The following UBL3 variants were observed in gnomAD, a reference collection of about 807,000 sequenced individuals.
UBL3 encodes the protein ubiquitin-like protein 3.
In UBL3, 6 loss-of-function variants were observed where a neutral mutation model predicts 18.4. That is an observed-to-expected ratio of 0.33 (90% CI 0.18 to 0.64). The LOEUF (loss-of-function observed/expected upper bound fraction) is 0.64, where lower values mean the gene tolerates loss of function less well. Ranked by LOEUF, UBL3 falls within the 30% of genes least tolerant of loss-of-function variation. The pLI is 0.76. For missense variants in UBL3, 109 were observed against 142.9 expected, an observed-to-expected ratio of 0.76 and a Z score of 1.21; for synonymous variants, 49 against 46.6, an observed-to-expected ratio of 1.05 and a Z score of -0.21.
chr13:29,827,773 A>G (rs1232762177), intron 1 of UBL3, among the ~76,000 whole-genome samples: 1 of 152,156 alleles, frequency 6.6e-6, no homozygotes, highest in African/African-American at 2.4e-5. Flanking sequence ...TCTTCCTAGC[A>G]TTGATGGTCT....
chr13:29,840,078 G>C (rs1333607809), intron 1 of UBL3, among the ~76,000 whole-genome samples: 1 of 59,634 alleles, frequency 1.7e-5, no homozygotes, highest in African/African-American at 6.8e-5. Context: ...TCAGTAAAAA[G>C]TTAAAAACAA....
intron 1 of UBL3, among the ~76,000 whole-genome samples, chr13:29,809,986 T>A (rs1877999866): frequency 1.3e-5 from 2 of 151,836 alleles, no homozygotes; most frequent in Non-Finnish European, 1.5e-5. Flanking sequence ...CTTTGTGAAA[T>A]TTTTTTTTCC....
intron 1 of UBL3, among the ~76,000 whole-genome samples, chr13:29,835,709 C>T (rs371090992): frequency 2.0e-4 from 27 of 137,372 alleles, no homozygotes; most frequent in Admixed American, 4.8e-4. Context: ...GAGTTGAGAT[C>T]GCGCCACTGC....
At chr13:29,772,023 TAGCAAA>T in intron 3 of UBL3, 83 bp downstream of exon 3, 1 of 1,122,308 alleles carries the variant, frequency 8.9e-7, no homozygotes, top group South Asian at 1.5e-5. Context: ...TCATTTTTTT[TAGCAAA>T]TTCAAAGACA....
At chr13:29,779,701 AAC>A (rs1434666646) in intron 1 of UBL3, among the ~76,000 whole-genome samples, 1 of 152,214 alleles carries the variant, frequency 6.6e-6, no homozygotes, top group African/African-American at 2.4e-5. Context: ...ATCTGACATG[AAC>A]AGATAGCCAC....
At chr13:29,836,373 A>C (rs1199213555) in intron 1 of UBL3, among the ~76,000 whole-genome samples, 1 of 151,982 alleles carries the variant, frequency 6.6e-6, no homozygotes, top group Non-Finnish European at 1.5e-5. Flanking sequence ...TAAATAAATA[A>C]ATAAATAAAA....
intron 1 of UBL3, among the ~76,000 whole-genome samples, chr13:29,805,426 C>A (rs1877875570): frequency 1.3e-5 from 2 of 152,318 alleles, no homozygotes; most frequent in Admixed American, 1.3e-4. Context: ...TTGGCCCGGG[C>A]CCCCTCTTCC....
At chr13:29,813,353 A>G (rs1477226424) in intron 1 of UBL3, among the ~76,000 whole-genome samples, 2 of 152,014 alleles carry the variant, frequency 1.3e-5, no homozygotes, top group Admixed American at 1.3e-4. Flanking sequence ...TTTCTTCTTG[A>G]AAGTCATAAA....
chr13:29,830,205 C>G (rs1205769322), intron 1 of UBL3, among the ~76,000 whole-genome samples: 1 of 152,158 alleles, frequency 6.6e-6, no homozygotes, highest in Non-Finnish European at 1.5e-5. Flanking sequence ...CTTCAGCTGT[C>G]CATCTAGTGG....
At chr13:29,799,268 T>A (rs1384217473) in intron 1 of UBL3, among the ~76,000 whole-genome samples, 1 of 152,232 alleles carries the variant, frequency 6.6e-6, no homozygotes, top group Non-Finnish European at 1.5e-5. Flanking sequence ...CATTGCCAAA[T>A]GTCTCCTAGG....
At chr13:29,842,248 C>T (rs1879124676) in intron 1 of UBL3, among the ~76,000 whole-genome samples, 1 of 151,664 alleles carries the variant, frequency 6.6e-6, no homozygotes, top group East Asian at 1.9e-4. Context: ...ACCTCCACCT[C>T]CTGGGTTCAA....
At chr13:29,779,184 C>A in intron 1 of UBL3, 1 of 494,370 alleles carries the variant, frequency 2.0e-6, no homozygotes, top group Admixed American at 2.1e-5. Context: ...CAGTAATGAG[C>A]AATTCTTCAA....
At chr13:29,849,099 G>T (rs187321100) in intron 1 of UBL3, among the ~76,000 whole-genome samples, 2 of 152,290 alleles carry the variant, frequency 1.3e-5, no homozygotes, top group East Asian at 1.9e-4. Flanking sequence ...CTGCAATGAC[G>T]ATCTCGTCTG....
intron 1 of UBL3, among the ~76,000 whole-genome samples, chr13:29,846,133 T>C (rs1245764677): frequency 5.9e-5 from 9 of 152,090 alleles, no homozygotes; most frequent in Non-Finnish European, 1.0e-4. Flanking sequence ...ACAATGAATA[T>C]AGCCGCATCA....
At position 29,802,646 on chromosome 13, in the gene UBL3, G is replaced by A. The variant is rs184812913; in HGVS notation, c.28-25383C>T. The stretch of plus-strand genomic sequence containing the variant: ...GATAGAGGTGAAAAACACACTAAAA[G>A]AATTTCATAATGCAATTGCAAGTAT... On this transcript the variant is annotated intron_variant, in intron 1 of 4. Coordinates refer to ENST00000380680, the MANE Select transcript of UBL3 (RefSeq NM_007106.4). Among the ~76,000 whole-genome samples the A allele has an allele frequency of 9.2e-5, 14 of 152,212 alleles. No homozygotes were observed. The East Asian group carries it at 2.7e-3, about 29-fold the overall frequency.
intron 1 of UBL3, among the ~76,000 whole-genome samples, chr13:29,798,129 G>A (rs564063883): frequency 1.8e-4 from 27 of 151,982 alleles, no homozygotes; most frequent in African/African-American, 6.0e-4. Flanking sequence ...GAGTTCAAGC[G>A]ATTCTCCTGC....
intron 1 of UBL3, among the ~76,000 whole-genome samples, chr13:29,786,525 C>T (rs1007474071): frequency 3.9e-5 from 6 of 152,112 alleles, no homozygotes; most frequent in Non-Finnish European, 8.8e-5. Flanking sequence ...CAAAATAGAA[C>T]TGGAGAAGTC....
rs542009583 is a variant in UBL3, at chr13:29,765,032, C to T, written c.*2223G>A. 4.3e-4 allele frequency: 66 copies of T among 151,936 alleles called. No homozygotes were observed. Among genetic ancestry groups the T allele is most frequent in the African/African-American group, 1.4e-3 (56 of 41,414 alleles). The allele number at this position is 151,936 out of a possible 1,614,324, so 9.4% of individuals were successfully genotyped here. On this transcript the variant is annotated 3_prime_UTR_variant, in exon 5 of 5. Transcript: ENST00000380680. Reference sequence around the variant, plus strand: ...AACTATGATATTAGGTATTAAGCGACGTAATTCTTTCTCTACTAGTGAACC... The same window carrying T: ...AACTATGATATTAGGTATTAAGCGATGTAATTCTTTCTCTACTAGTGAACC...
At chr13:29,824,469 G>C (rs930379376) in intron 1 of UBL3, among the ~76,000 whole-genome samples, 44 of 152,296 alleles carry the variant, frequency 2.9e-4, no homozygotes, top group African/African-American at 1.0e-3. Flanking sequence ...GTGATGATGA[G>C]CATTTCTTCA....
Sources: allele counts gnomAD v4.1 joint callset (sites outside exome capture counted in the v4.1 genomes callset), GRCh38; gene constraint gnomAD v4.1.1; transcripts MANE v1.5; gene names NCBI Gene and HGNC (gene_info 2026-07-23, HGNC 2026-07-21).